The following LANCL2 variants were observed in gnomAD, a reference collection of about 807,000 sequenced individuals.
The protein encoded by LANCL2 is LanC like glutathione S-transferase 2, also known as lanC-like protein 2.
LANCL2 carries 33 observed loss-of-function variants against 56.9 expected under a neutral mutation model. The ratio of observed to expected loss-of-function variants is 0.58; its 90% CI spans 0.44 to 0.78. The LOEUF is 0.78. Ranked by LOEUF, LANCL2 falls within the 30% of genes least tolerant of loss-of-function variation. LANCL2 has a pLI of 0.00. For missense variants in LANCL2, 562 were observed against 580.2 expected, an observed-to-expected ratio of 0.97 and a Z score of 0.32; for synonymous variants, 233 against 228.2, an observed-to-expected ratio of 1.02 and a Z score of -0.19.
At chr7:55,381,380 A>G (rs1391578423) in intron 1 of LANCL2, among the ~76,000 whole-genome samples, 1 of 152,224 alleles carries the variant, frequency 6.6e-6, no homozygotes, top group Non-Finnish European at 1.5e-5. Flanking sequence ...GGGATGAGCC[A>G]GAGGAGGGAT....
chr7:55,427,605 C>T (rs559084250), intron 7 of LANCL2, among the ~76,000 whole-genome samples: 5 of 152,274 alleles, frequency 3.3e-5, no homozygotes, highest in African/African-American at 1.2e-4. Context: ...TTGTCTGACT[C>T]GGAAAACTGG....
intron 6 of LANCL2, among the ~76,000 whole-genome samples, chr7:55,421,740 G>C (rs1171671453): frequency 6.6e-6 from 1 of 152,084 alleles, no homozygotes; most frequent in African/African-American, 2.4e-5. Context: ...AATCTCCTTA[G>C]AGTTAACACT....
chr7:55,425,836 G>A (rs778618829), intron 7 of LANCL2, among the ~76,000 whole-genome samples: 4 of 152,120 alleles, frequency 2.6e-5, no homozygotes, highest in African/African-American at 4.8e-5. Flanking sequence ...TAATCGTCCT[G>A]CCAAAACCCT....
intron 1 of LANCL2, among the ~76,000 whole-genome samples, chr7:55,375,336 C>T (rs1379963696): frequency 6.6e-6 from 1 of 152,262 alleles, no homozygotes; most frequent in East Asian, 1.9e-4. Context: ...TTGCATATTC[C>T]GTAGTTTTCA....
chr7:55,406,507 A>T (rs1008299357), intron 5 of LANCL2, among the ~76,000 whole-genome samples: 3 of 152,164 alleles, frequency 2.0e-5, no homozygotes, highest in Non-Finnish European at 2.9e-5. Flanking sequence ...GAGCAGGGTG[A>T]GCCCCACCTC....
intron 1 of LANCL2, among the ~76,000 whole-genome samples, chr7:55,388,773 G>A (rs774370574): frequency 1.4e-4 from 21 of 152,214 alleles, no homozygotes; most frequent in Non-Finnish European, 2.6e-4. Flanking sequence ...AGCCCCTTCA[G>A]CTCAAGGCTT....
intron 2 of LANCL2, among the ~76,000 whole-genome samples, chr7:55,395,995 T>C (rs1790247684): frequency 6.6e-6 from 1 of 152,256 alleles, no homozygotes; most frequent in Non-Finnish European, 1.5e-5. Flanking sequence ...ATTACTGCAC[T>C]GAATACTGTA....
chr7:55,367,434 C>A (rs1789887886), intron 1 of LANCL2, among the ~76,000 whole-genome samples: 1 of 152,224 alleles, frequency 6.6e-6, no homozygotes, highest in Non-Finnish European at 1.5e-5. Flanking sequence ...TGGTTAAAAA[C>A]TCGAAACAGG....
At chr7:55,382,315 C>T (rs1484099774) in intron 1 of LANCL2, among the ~76,000 whole-genome samples, 4 of 152,026 alleles carry the variant, frequency 2.6e-5, no homozygotes, top group Admixed American at 6.6e-5. Flanking sequence ...AAAAGAGTCT[C>T]ATGGATATTT....
chr7:55,367,538 A>G (rs1789889178), intron 1 of LANCL2, among the ~76,000 whole-genome samples: 1 of 152,256 alleles, frequency 6.6e-6, no homozygotes, highest in Non-Finnish European at 1.5e-5. Flanking sequence ...CAGCCTGGCC[A>G]ACATGGCAAA....
intron 1 of LANCL2, among the ~76,000 whole-genome samples, chr7:55,376,443 A>G (rs530134980): frequency 5.3e-5 from 8 of 152,158 alleles, no homozygotes; most frequent in Admixed American, 1.3e-4. Context: ...AGGGCCTTCT[A>G]GTCCACACAT....
chr7:55,375,965 C>A (rs1436576195), intron 1 of LANCL2, among the ~76,000 whole-genome samples: 2 of 152,224 alleles, frequency 1.3e-5, no homozygotes, highest in Non-Finnish European at 2.9e-5. Flanking sequence ...ATTTCACCTT[C>A]TGCCCTATAT....
At chr7:55,376,143 T>C (rs141130694) in intron 1 of LANCL2, among the ~76,000 whole-genome samples, 34 of 152,304 alleles carry the variant, frequency 2.2e-4, no homozygotes, top group African/African-American at 7.7e-4. Flanking sequence ...TTCTAGTGCT[T>C]GTAGTCTGGA....
intron 1 of LANCL2, among the ~76,000 whole-genome samples, chr7:55,385,631 G>T (rs1323956793): frequency 1.3e-5 from 2 of 152,152 alleles, no homozygotes; most frequent in Non-Finnish European, 2.9e-5. Flanking sequence ...CAAGGTAATA[G>T]AATATCACAA....
chr7:55,403,719 G>A (rs529316946), intron 5 of LANCL2, among the ~76,000 whole-genome samples: 9 of 151,568 alleles, frequency 5.9e-5, no homozygotes, highest in South Asian at 2.1e-4. Flanking sequence ...CTACAGGCGC[G>A]CACTACCACC....
chr7:55,433,448 A>C lies in LANCL2; in HGVS notation c.*2128A>C, dbSNP rs1429811204. The C allele has an allele frequency of 6.6e-6, 1 of 152,246 alleles. No homozygotes were observed. The highest frequency in any genetic ancestry group is 2.4e-5 in the African/African-American group (1 of 41,470). 9.4% of individuals were successfully genotyped at this position (152,246 alleles called of 1,614,324 possible). A position where few individuals can be genotyped will look rare whatever the true frequency, so the allele number is the denominator to read the frequency against. On this transcript the variant is annotated 3_prime_UTR_variant, in exon 9 of 9. Coordinates refer to ENST00000254770, the MANE Select transcript of LANCL2 (RefSeq NM_018697.4). ...CTGCCTCATGTCTGTAACATGTGAC[A>C]GTAATTCCAGCTCGGTCCCTCCAGG... is the stretch of plus-strand genomic sequence containing the variant.
intron 1 of LANCL2, among the ~76,000 whole-genome samples, chr7:55,367,258 G>A (rs974438342): frequency 1.3e-5 from 2 of 152,154 alleles, no homozygotes; most frequent in Non-Finnish European, 2.9e-5. Context: ...CCTTTACCAG[G>A]TTTTCTTTTT....
intron 7 of LANCL2, among the ~76,000 whole-genome samples, chr7:55,426,536 C>T (rs1182284064): frequency 6.6e-6 from 1 of 152,202 alleles, no homozygotes; most frequent in Non-Finnish European, 1.5e-5. Context: ...GGCCCTACCT[C>T]GTTGGTGCAC....
intron 2 of LANCL2, among the ~76,000 whole-genome samples, chr7:55,396,055 G>C (rs1790248511): frequency 6.6e-6 from 1 of 152,224 alleles, no homozygotes; most frequent in Non-Finnish European, 1.5e-5. Context: ...ATATAGAAAA[G>C]GTACAGTAAA....
Sources: allele counts gnomAD v4.1 joint callset (sites outside exome capture counted in the v4.1 genomes callset), GRCh38; gene constraint gnomAD v4.1.1; transcripts MANE v1.5; gene names NCBI Gene and HGNC (gene_info 2026-07-23, HGNC 2026-07-21).